DMD: variants seen among roughly 807,000 people sequenced by gnomAD.
The protein encoded by DMD is mutant dystrophin.
Under a neutral mutation model 330.1 loss-of-function variants are expected in DMD, and 63 were observed. The ratio of observed to expected loss-of-function variants is 0.19; its 90% CI spans 0.16 to 0.24. The LOEUF is 0.24. DMD is among the 10% of genes least tolerant of loss of function. The pLI is 1.00. For missense variants in DMD, 3,344 were observed against 2,684.1 expected (o/e 1.25, Z -5.43); for synonymous variants, 1,223 against 959.8 (o/e 1.27, Z -5.07).
intron 45 of DMD, among the ~76,000 whole-genome samples, chrX:31,942,365 A>G (rs1224744407): frequency 1.8e-5 from 2 of 111,934 alleles, no homozygotes; most frequent in East Asian, 5.6e-4. Flanking sequence ...TCATATACTC[A>G]ACAACATCCT....
At chrX:32,275,085 A>C (rs1806488350) in intron 43 of DMD, among the ~76,000 whole-genome samples, 1 of 111,837 alleles carries the variant, frequency 8.9e-6, no homozygotes, top group South Asian at 3.7e-4. Flanking sequence ...GATATTTACA[A>C]TAGCTAGGGA....
At chrX:32,716,516 T>C (rs183860934) in intron 7 of DMD, among the ~76,000 whole-genome samples, 1 of 111,437 alleles carries the variant, frequency 9.0e-6, no homozygotes, top group East Asian at 2.8e-4. Context: ...AATTACTCAA[T>C]CTCAGGTAGT....
At chrX:32,150,438 C>A (rs926822729) in intron 44 of DMD, among the ~76,000 whole-genome samples, 2 of 111,314 alleles carry the variant, frequency 1.8e-5, no homozygotes, top group Admixed American at 9.6e-5. Context: ...TGGTGGCATA[C>A]CTAAATTAGA....
intron 44 of DMD, among the ~76,000 whole-genome samples, chrX:32,174,291 T>A (rs1004563298): frequency 8.9e-6 from 1 of 112,162 alleles, no homozygotes; most frequent in Non-Finnish European, 1.9e-5. Context: ...ACATTTCTAA[T>A]TCTTCTCATA....
chrX:32,336,043 TG>T (rs200525805), intron 41 of DMD, among the ~76,000 whole-genome samples: 7 of 102,818 alleles, frequency 6.8e-5, no homozygotes, highest in South Asian at 4.5e-4. Flanking sequence ...ATATATAACG[TG>T]TATATATAAC....
intron 50 of DMD, among the ~76,000 whole-genome samples, chrX:31,808,819 T>C (rs1361382132): frequency 9.0e-6 from 1 of 111,204 alleles, no homozygotes. Flanking sequence ...ACAATAAAAA[T>C]AATAGGAGTT....
intron 44 of DMD, among the ~76,000 whole-genome samples, chrX:32,153,000 A>C (rs184459634): frequency 8.9e-6 from 1 of 112,114 alleles, no homozygotes; most frequent in Admixed American, 9.5e-5. Context: ...TATATGTGTT[A>C]AATTGAATCT....
intron 2 of DMD, among the ~76,000 whole-genome samples, chrX:32,942,010 C>CA (rs2090453654): frequency 9.0e-6 from 1 of 111,706 alleles, no homozygotes; most frequent in Non-Finnish European, 1.9e-5. Context: ...ATAACAAAAA[C>CA]ACCCAAGCAA....
intron 1 of DMD, among the ~76,000 whole-genome samples, chrX:33,338,536 A>G (rs1205468152): frequency 9.0e-6 from 1 of 111,101 alleles, no homozygotes; most frequent in Non-Finnish European, 1.9e-5. Flanking sequence ...GTCATTTTTC[A>G]TTAACAGCCT....
chrX:32,880,876 G>A (rs923149421), intron 2 of DMD, among the ~76,000 whole-genome samples: 3 of 112,645 alleles, frequency 2.7e-5, no homozygotes, highest in Admixed American at 1.9e-4. Flanking sequence ...CCCAGAAGGC[G>A]GAGGTTGCGG....
intron 41 of DMD, among the ~76,000 whole-genome samples, chrX:32,332,892 G>T (rs556052592): frequency 9.0e-6 from 1 of 110,523 alleles, no homozygotes; most frequent in Middle Eastern, 4.6e-3. Context: ...GCATTTGAGG[G>T]GAAAAGAATA....
At chrX:32,500,269 A>G (rs965520269) in intron 19 of DMD, among the ~76,000 whole-genome samples, 1 of 111,520 alleles carries the variant, frequency 9.0e-6, no homozygotes, top group African/African-American at 3.3e-5. Flanking sequence ...GAATCTGGTC[A>G]ATTAATATTT....
intron 7 of DMD, among the ~76,000 whole-genome samples, chrX:32,777,148 A>C (rs1450297193): frequency 1.9e-5 from 2 of 106,775 alleles, no homozygotes; most frequent in African/African-American, 6.8e-5. Flanking sequence ...AAAAACGAGC[A>C]CTGATAAGAT....
At chrX:31,740,358 G>A (rs1248394227) in intron 51 of DMD, among the ~76,000 whole-genome samples, 1 of 111,844 alleles carries the variant, frequency 8.9e-6, no homozygotes, top group Non-Finnish European at 1.9e-5. Context: ...ATGTGCATCA[G>A]ATTCGCAGGC....
intron 62 of DMD, among the ~76,000 whole-genome samples, chrX:31,290,162 C>T (rs999575458): frequency 9.1e-6 from 1 of 110,097 alleles, no homozygotes; most frequent in African/African-American, 3.3e-5. Flanking sequence ...ATCAAGCAAT[C>T]TACCCGCCTC....
chrX:32,341,769 T>A (rs2097744280), intron 41 of DMD, among the ~76,000 whole-genome samples: 1 of 111,875 alleles, frequency 8.9e-6, no homozygotes, highest in South Asian at 3.7e-4. Flanking sequence ...TTTTTTGGAT[T>A]AGACATTGAA....
In DMD at chrX:32,699,184, C is replaced by A; in HGVS notation, c.759G>T (p.Met253Ile). ...VSIEAIQEVE[M>I]LPRPPKVTKE... ...TAGTCACTTTAGGTGGCCTTGGCAA[C>A]ATTTCCACTTCCTGGATGGCTTCAA... Residue 253 changes from methionine to isoleucine, a missense_variant, in exon 8 of 79, where the codon ATG becomes ATT. Met to Ile is a conservative substitution (Grantham distance 10). Coordinates refer to ENST00000357033, the MANE Select transcript of DMD (RefSeq NM_004006.3). 8.3e-7 allele frequency: 1 copy of A among 1,210,048 alleles called. No homozygotes were observed. Among genetic ancestry groups the A allele is most frequent in the Non-Finnish European group, 1.1e-6 (1 of 894,081 alleles).
intron 11 of DMD, among the ~76,000 whole-genome samples, chrX:32,633,847 C>G (rs1325069114): frequency 9.0e-6 from 1 of 111,217 alleles, no homozygotes; most frequent in Admixed American, 9.6e-5. Flanking sequence ...ACAACCAGAT[C>G]TTGCAAGAAT....
intron 20 of DMD, among the ~76,000 whole-genome samples, chrX:32,486,818 A>T (rs1425885123): frequency 2.8e-5 from 3 of 106,250 alleles, no homozygotes; most frequent in Non-Finnish European, 5.9e-5. Flanking sequence ...CTGAAACTGG[A>T]TCCCTTCCTT....
Sources: allele counts gnomAD v4.1 joint callset (sites outside exome capture counted in the v4.1 genomes callset), GRCh38; gene constraint gnomAD v4.1.1; transcripts MANE v1.5; gene names NCBI Gene and HGNC (gene_info 2026-07-23, HGNC 2026-07-21).